The following HS6ST2 variants were observed in gnomAD, a reference collection of about 807,000 sequenced individuals.
HS6ST2 encodes the protein heparan-sulfate 6-O-sulfotransferase 2.
HS6ST2 carries 17 observed loss-of-function variants against 33.0 expected under a neutral mutation model. The ratio of observed to expected loss-of-function variants is 0.52; its 90% confidence interval spans 0.35 to 0.77. The LOEUF (loss-of-function observed/expected upper bound fraction) is 0.77. Among genes scored for constraint, HS6ST2 ranks in the 30% least tolerant of loss-of-function variants. The pLI is 0.01. For missense variants in HS6ST2, 519 were observed against 551.7 expected, an observed-to-expected ratio of 0.94 and a Z score of 0.59; for synonymous variants, 248 against 237.1, an observed-to-expected ratio of 1.05 and a Z score of -0.42.
chrX:132,704,578 A>G (rs1318613821), intron 3 of HS6ST2, among the ~76,000 whole-genome samples: 1 of 111,747 alleles, frequency 8.9e-6, no homozygotes, highest in East Asian at 2.8e-4. Context: ...AAAAGAAAAG[A>G]AAGATGATTT....
intron 2 of HS6ST2, among the ~76,000 whole-genome samples, chrX:132,724,429 T>C (rs776069683): frequency 9.0e-6 from 1 of 111,429 alleles, no homozygotes; most frequent in Non-Finnish European, 1.9e-5. Flanking sequence ...TATAATCAAA[T>C]ATCTAGGAAT....
intron 2 of HS6ST2, among the ~76,000 whole-genome samples, chrX:132,812,596 A>G (rs1488498284): frequency 9.5e-6 from 1 of 105,332 alleles, no homozygotes; most frequent in Non-Finnish European, 1.9e-5. Flanking sequence ...GGGGGGGAGA[A>G]ATTATTCAAG....
chrX:132,865,344 A>G (rs1164643905), intron 2 of HS6ST2, among the ~76,000 whole-genome samples: 1 of 110,846 alleles, frequency 9.0e-6, no homozygotes, highest in Non-Finnish European at 1.9e-5. Context: ...TCCATGGTGT[A>G]TATGTGCCAC....
At chrX:132,678,880 C>T in intron 3 of HS6ST2, among the ~76,000 whole-genome samples, 1 of 112,463 alleles carries the variant, frequency 8.9e-6, no homozygotes, top group Non-Finnish European at 1.9e-5. Context: ...CAATCTACTT[C>T]GCTTCATGCA....
intron 2 of HS6ST2, among the ~76,000 whole-genome samples, chrX:132,914,679 C>T (rs1248135237): frequency 8.9e-6 from 1 of 111,806 alleles, no homozygotes; most frequent in Admixed American, 9.5e-5. Flanking sequence ...ACACAACAGC[C>T]CTGACCTGGG....
chrX:132,814,869 G>A (rs1834702347), intron 2 of HS6ST2, among the ~76,000 whole-genome samples: 2 of 112,100 alleles, frequency 1.8e-5, no homozygotes, highest in South Asian at 3.8e-4. Flanking sequence ...TGTTACCTCA[G>A]CCTGGAATGT....
At chrX:132,751,802 A>G (rs764297621) in intron 2 of HS6ST2, among the ~76,000 whole-genome samples, 4 of 112,601 alleles carry the variant, frequency 3.6e-5, no homozygotes, top group African/African-American at 1.3e-4. Flanking sequence ...CTCCTGCAAC[A>G]TGTCTCCAGA....
chrX:132,769,012 C>A (rs1281851132), intron 2 of HS6ST2, among the ~76,000 whole-genome samples: 3 of 112,340 alleles, frequency 2.7e-5, no homozygotes, highest in Non-Finnish European at 5.6e-5. Context: ...AACATTTCCA[C>A]CTTTGAATAA....
In HS6ST2 at chrX:132,792,179, C is replaced by A. The variant is rs189523172; in HGVS notation, c.948-83685G>T. ...AGAATGGGAATAATTGGGTCCTGAT[C>A]CTCAATGATAGAGCACCTACCCAAG... On this transcript the variant is annotated intron_variant, in intron 2 of 4. Transcript: ENST00000370833. 4.2e-3 allele frequency among the ~76,000 whole-genome samples: 466 copies of A among 112,270 alleles called. 4 individuals carry two copies. The highest frequency in any genetic ancestry group is 7.7e-3 in the Non-Finnish European group (412 of 53,287).
At chrX:132,686,886 C>T (rs936274440) in intron 3 of HS6ST2, among the ~76,000 whole-genome samples, 2 of 111,608 alleles carry the variant, frequency 1.8e-5, no homozygotes, top group South Asian at 3.8e-4. Flanking sequence ...CCACCTGCTA[C>T]GGGCAAAATG....
chrX:132,956,814 G>T lies in HS6ST2; in HGVS notation c.941C>A (p.Pro314Gln), dbSNP rs1198179034. The part of the protein sequence containing the change: ...VDGKRDARLR[P>Q]SRWRIFQILD... ...ACTACCGGCGCGCACTCACCTGGAC[G>T]GTCTCAGCCTGGCGTCGCGCTTGCC... Residue 314 changes from proline (P) to glutamine (Q), a missense_variant, in exon 2 of 5, where the codon CCG (proline) becomes CAG (glutamine). Physicochemically the swap from Pro to Gln is moderately conservative, Grantham distance 76 (BLOSUM62 -1). Coordinates refer to ENST00000370833, the MANE Select transcript of HS6ST2 (RefSeq NM_001394073.1). The T allele has an allele frequency of 1.7e-6, 2 of 1,168,719 alleles. No homozygotes were observed. Among genetic ancestry groups the T allele is most frequent in the Admixed American group, 2.5e-5 (1 of 39,648 alleles).
chrX:132,668,898 C>T (rs935362427), intron 4 of HS6ST2, among the ~76,000 whole-genome samples: 1 of 111,511 alleles, frequency 9.0e-6, no homozygotes, highest in Admixed American at 9.5e-5. Flanking sequence ...CTGACTTTTC[C>T]ATCCCTCTCC....
intron 4 of HS6ST2, among the ~76,000 whole-genome samples, chrX:132,634,358 A>G (rs1342009796): frequency 8.9e-6 from 1 of 112,098 alleles, no homozygotes; most frequent in Non-Finnish European, 1.9e-5. Context: ...GGAAAATCAT[A>G]CGCCACCTGT....
intron 2 of HS6ST2, among the ~76,000 whole-genome samples, chrX:132,854,007 G>T (rs2065828937): frequency 1.8e-5 from 2 of 110,589 alleles, no homozygotes; most frequent in African/African-American, 6.6e-5. Context: ...CTGCACTCCA[G>T]CTCAGGTGAC....
intron 2 of HS6ST2, among the ~76,000 whole-genome samples, chrX:132,879,489 G>A (rs1057114937): frequency 4.5e-5 from 5 of 111,741 alleles, no homozygotes; most frequent in African/African-American, 1.6e-4. Flanking sequence ...ATCCTGGTAA[G>A]TACAACAAGA....
intron 2 of HS6ST2, among the ~76,000 whole-genome samples, chrX:132,791,444 C>T (rs774741525): frequency 8.9e-6 from 1 of 111,990 alleles, no homozygotes; most frequent in Non-Finnish European, 1.9e-5. Context: ...TAATTCTCAT[C>T]GCAATATGAT....
At chrX:132,816,570 G>A (rs750877866) in intron 2 of HS6ST2, among the ~76,000 whole-genome samples, 1 of 111,999 alleles carries the variant, frequency 8.9e-6, no homozygotes, top group Admixed American at 9.5e-5. Context: ...TTAATTACTG[G>A]GAATATAGTC....
intron 4 of HS6ST2, among the ~76,000 whole-genome samples, chrX:132,644,683 A>C (rs1411896506): frequency 1.8e-5 from 2 of 111,256 alleles, no homozygotes; most frequent in Non-Finnish European, 3.8e-5. Context: ...TGGTGGGTTA[A>C]TTGATGAGCC....
At chrX:132,713,672 T>C (rs2064251010) in intron 2 of HS6ST2, among the ~76,000 whole-genome samples, 1 of 111,566 alleles carries the variant, frequency 9.0e-6, no homozygotes, top group Non-Finnish European at 1.9e-5. Context: ...CCCAGAATAT[T>C]CTTTCAAATA....
Sources: gnomAD v4.1 joint callset for allele counts (sites outside exome capture counted in the v4.1 genomes callset) on GRCh38, gnomAD v4.1.1 for gene constraint, MANE v1.5 for transcripts, NCBI Gene and HGNC (gene_info 2026-07-23, HGNC 2026-07-21) for gene names.